Variants in RNF145 observed in about 807,000 individuals in gnomAD.
RNF145 encodes the protein ring finger protein 145.
In RNF145, 12 loss-of-function variants were observed where a neutral mutation model predicts 57.3. The ratio of observed to expected loss-of-function variants is 0.21; its 90% confidence interval spans 0.13 to 0.34. The LOEUF (loss-of-function observed/expected upper bound fraction) is 0.34, where lower values mean the gene tolerates loss of function less well. Ranked by LOEUF, RNF145 falls within the 10% of genes least tolerant of loss-of-function variation. The pLI is 1.00. For missense variants in RNF145, 429 were observed against 799.0 expected (o/e 0.54, Z 5.58); for synonymous variants, 262 against 288.3 (o/e 0.91, Z 0.92).
chr5:159,203,518 A>G lies in RNF145; in HGVS notation c.100T>C (p.Phe34Leu). 1 of 1,614,134 alleles carries G rather than the reference A, an allele frequency of 6.2e-7. No homozygotes were observed. The change falls in exon 2 of 11, where the codon TTT (phenylalanine) becomes CTT (leucine). Residue 34 changes from phenylalanine (F) to leucine (L), a missense_variant. Phe to Leu is a conservative substitution (Grantham distance 22). Coordinates refer to ENST00000424310, the MANE Select transcript of RNF145 (RefSeq NM_001199383.2). Reference protein sequence around the residue: ...DVLYRWDVSSFFQQIQRSSLS... With the variant: ...DVLYRWDVSSLFQQIQRSSLS... ...CTACTTCTTTGGATCTGCTGGAAAA[A>G]GGAGCTGACATCCCATCTGTACAGG...
At position 159,174,049 on chromosome 5, in the gene RNF145, T is replaced by A; in HGVS notation, c.731A>T (p.Tyr244Phe). ...CTGATCTCGAGTACTGAAATAGGAG[T>A]AAATCTGAAGAGCAAATAAGACGAG... Reference protein sequence around the residue: ...FWLVLFALQIYSYFSTRDQPA... With the variant: ...FWLVLFALQIFSYFSTRDQPA... Residue 244 changes from tyrosine (Y) to phenylalanine (F), a missense_variant, in exon 6 of 11, where the codon TAC (tyrosine) becomes TTC (phenylalanine). This residue lies in a region of RNF145 where 216 missense variants were observed against 457.6 expected (regional missense o/e 0.47). Coordinates refer to ENST00000424310, the MANE Select transcript of RNF145 (RefSeq NM_001199383.2). 1.9e-6 allele frequency: 3 copies of A among 1,613,162 alleles called. No homozygotes were observed. The highest frequency in any genetic ancestry group is 1.7e-6 in the Non-Finnish European group (2 of 1,179,590).
At chr5:159,187,884 T>TG (rs531274424) in intron 3 of RNF145, among the ~76,000 whole-genome samples, 29 of 152,278 alleles carry the variant, frequency 1.9e-4, no homozygotes, top group Middle Eastern at 3.4e-3. Flanking sequence ...CATCATAAAA[T>TG]GGAGAGCTGA....
chr5:159,200,841 G>C (rs1785636521), intron 2 of RNF145, among the ~76,000 whole-genome samples: 1 of 152,110 alleles, frequency 6.6e-6, no homozygotes, highest in Non-Finnish European at 1.5e-5. Context: ...AGAAAATACA[G>C]GTTTTTCTTA....
At chr5:159,169,636 T>C in intron 7 of RNF145, 43 bp downstream of exon 7, 4 of 1,427,150 alleles carry the variant, frequency 2.8e-6, no homozygotes, top group Non-Finnish European at 3.7e-6. Context: ...TCAAGTTATC[T>C]ATAGTATTTA....
At chr5:159,169,868 G>A (rs753037494) in intron 6 of RNF145, 49 bp from the exon 7 acceptor site, 4 of 1,501,438 alleles carry the variant, frequency 2.7e-6, no homozygotes, top group Non-Finnish European at 1.8e-6. Context: ...TCCATTTGGA[G>A]TAAACACATT....
At chr5:159,181,039 T>G (rs368564880) in intron 4 of RNF145, among the ~76,000 whole-genome samples, 48 of 152,042 alleles carry the variant, frequency 3.2e-4, no homozygotes, top group African/African-American at 1.2e-3. Flanking sequence ...GCTAAAGAGC[T>G]TGTCCATGTA....
chr5:159,209,476 C>T lies in RNF145; in HGVS notation c.-285G>A, dbSNP rs1275004109. On this transcript the variant is annotated 5_prime_UTR_variant, in exon 1 of 11. Transcript: ENST00000424310. ...GTCCGCGGCAGCAGGCGCTCGCGGG[C>T]CGAGCCCCTTAGCAGCCGGCGCCGG... The T allele has an allele frequency of 3.4e-6, 3 of 893,500 alleles. No individual in the cohort carries two copies. Among genetic ancestry groups the T allele is most frequent in the Admixed American group, 6.7e-5 (1 of 14,824 alleles). The allele number at this position is 893,500 out of a possible 1,614,324, so 55.3% of individuals were successfully genotyped here.
Position 159,209,525 on chromosome 5 carries a change from G to A in RNF145, c.-334C>T, listed in dbSNP as rs956959364. The A allele has an allele frequency of 3.1e-6, 3 of 981,628 alleles. No homozygotes were observed. Among genetic ancestry groups the A allele is most frequent in the Non-Finnish European group, 3.6e-6 (3 of 827,160 alleles). 60.8% of individuals were successfully genotyped at this position (981,628 alleles called of 1,614,324 possible). On this transcript the variant is annotated 5_prime_UTR_variant, in exon 1 of 11. It adds an upstream start codon to the 5' untranslated region. Transcript: ENST00000424310. ...GGCGTCGGCGGCCATGGCCTCCTGC[G>A]TTTGCTCCTCCCGCCCCCGGCGCTC...
chr5:159,170,377 C>T (rs983975255), intron 6 of RNF145, among the ~76,000 whole-genome samples: 1 of 152,052 alleles, frequency 6.6e-6, no homozygotes, highest in African/African-American at 2.4e-5. Flanking sequence ...CAAAAGCATG[C>T]CCAATAATTT....
intron 3 of RNF145, among the ~76,000 whole-genome samples, chr5:159,186,715 T>G (rs1785069683): frequency 6.6e-6 from 1 of 152,154 alleles, no homozygotes; most frequent in African/African-American, 2.4e-5. Context: ...TTGACACCCT[T>G]TCTTTAGTTT....
At chr5:159,197,440 G>C (rs1436964994) in intron 2 of RNF145, among the ~76,000 whole-genome samples, 2 of 152,118 alleles carry the variant, frequency 1.3e-5, no homozygotes, top group Non-Finnish European at 2.9e-5. Context: ...TTTAGGTGAG[G>C]TAAGAGAACA....
In RNF145 at chr5:159,161,719, G is replaced by T. The variant is rs753517327; in HGVS notation, c.1270-97C>A. Reference sequence around the variant, plus strand: ...AATAACACATTCCTGATGTTTTTAGGGTGCAATATTTCAAATATACAGAAG... The same window carrying T: ...AATAACACATTCCTGATGTTTTTAGTGTGCAATATTTCAAATATACAGAAG... On this transcript the variant is annotated intron_variant, in intron 9 of 10. Coordinates refer to ENST00000424310, the MANE Select transcript of RNF145 (RefSeq NM_001199383.2). 2.9e-4 allele frequency: 210 copies of T among 732,686 alleles called. 1 individual carries two copies. The highest frequency in any genetic ancestry group is 3.8e-4 in the Non-Finnish European group (165 of 437,348). The allele number at this position is 732,686 out of a possible 1,614,324, so 45.4% of individuals were successfully genotyped here. A position where few individuals can be genotyped will look rare whatever the true frequency, so the allele number is the denominator to read the frequency against.
chr5:159,161,203 G>T (rs1035610561), intron 10 of RNF145, 63 bp downstream of exon 10: 29 of 1,001,390 alleles, frequency 2.9e-5, no homozygotes, highest in Non-Finnish European at 8.7e-6. Flanking sequence ...TGGTTAATAT[G>T]GTTACAGTCC....
intron 1 of RNF145, chr5:159,208,066 C>T (rs1477555244): frequency 6.7e-7 from 1 of 1,492,306 alleles, no homozygotes; most frequent in African/African-American, 1.4e-5. Context: ...GACGCAAGGC[C>T]ATCCACTAAT....
intron 5 of RNF145, among the ~76,000 whole-genome samples, chr5:159,174,861 T>G (rs1278912994): frequency 6.6e-6 from 1 of 152,158 alleles, no homozygotes; most frequent in Non-Finnish European, 1.5e-5. Context: ...CTTATGAAAC[T>G]GATTAGGAAA....
upstream of RNF145, chr5:159,209,762 C>T (rs986330582): frequency 7.6e-7 from 1 of 1,320,344 alleles, no homozygotes; most frequent in African/African-American, 1.5e-5. Flanking sequence ...GCAGAGACAC[C>T]TGGACGCGCA....
Position 159,158,568 on chromosome 5 carries a change from T to C in RNF145, c.*102A>G. 4 of 1,399,302 alleles carry C rather than the reference T, an allele frequency of 2.9e-6. No homozygotes were observed. Among genetic ancestry groups the C allele is most frequent in the Non-Finnish European group, 1.9e-6 (2 of 1,031,356 alleles). 86.7% of individuals were successfully genotyped at this position (1,399,302 alleles called of 1,614,324 possible). A position where few individuals can be genotyped will look rare whatever the true frequency, so the allele number is the denominator to read the frequency against. On this transcript the variant is annotated 3_prime_UTR_variant, in exon 11 of 11. Coordinates refer to ENST00000424310, the MANE Select transcript of RNF145 (RefSeq NM_001199383.2). ...TTAGATCCTTGGAATGTCAGTTTCC[T>C]GCCTGATCATCTCATTTTCATTCCT...
chr5:159,186,123 G>T (rs1785045933), intron 3 of RNF145, among the ~76,000 whole-genome samples: 1 of 152,152 alleles, frequency 6.6e-6, no homozygotes, highest in Non-Finnish European at 1.5e-5. Context: ...TACTTGGGAG[G>T]CTGAGGCGGG....
At chr5:159,185,310 C>T (rs1785021581) in intron 3 of RNF145, among the ~76,000 whole-genome samples, 1 of 152,124 alleles carries the variant, frequency 6.6e-6, no homozygotes, top group South Asian at 2.1e-4. Context: ...AGCTAAACTA[C>T]CTAGTATGCC....
Sources: gnomAD v4.1 joint callset for allele counts (sites outside exome capture counted in the v4.1 genomes callset) on GRCh38, gnomAD v4.1.1 for gene constraint, gnomAD v4.1.1 regional missense constraint, MANE v1.5 for transcripts, NCBI Gene and HGNC (gene_info 2026-07-23, HGNC 2026-07-21) for gene names.